FHIT: variants seen among roughly 807,000 people sequenced by gnomAD.
FHIT encodes fragile histidine triad diadenosine triphosphatase, also known as bis(5'-adenosyl)-triphosphatase.
In FHIT, 19 loss-of-function variants were observed where a neutral mutation model predicts 17.9. The ratio of observed to expected loss-of-function variants is 1.06; its 90% CI spans 0.74 to 1.56. The LOEUF (loss-of-function observed/expected upper bound fraction) is 1.56, where lower values mean the gene tolerates loss of function less well. Ranked by LOEUF, FHIT falls within the 40% of genes most tolerant of loss-of-function variation. The pLI is 0.00. For missense variants in FHIT, 248 were observed against 189.2 expected (o/e 1.31, Z -1.82); for synonymous variants, 81 against 69.7 (o/e 1.16, Z -0.81).
At chr3:60,573,970 T>C (rs1207348633) in intron 4 of FHIT, among the ~76,000 whole-genome samples, 1 of 151,976 alleles carries the variant, frequency 6.6e-6, no homozygotes, top group Non-Finnish European at 1.5e-5. Flanking sequence ...CCACCACACC[T>C]GGATAATTTT....
chr3:61,240,733 T>C (rs2040354756), intron 1 of FHIT, among the ~76,000 whole-genome samples: 1 of 152,218 alleles, frequency 6.6e-6, no homozygotes. Flanking sequence ...ATGTAGCCAA[T>C]TACAGTGCCC....
At chr3:60,035,257 C>A (rs1701166998) in intron 5 of FHIT, among the ~76,000 whole-genome samples, 2 of 152,078 alleles carry the variant, frequency 1.3e-5, no homozygotes, top group African/African-American at 2.4e-5. Flanking sequence ...CACCATGCAG[C>A]AAAAAGATCG....
intron 2 of FHIT, among the ~76,000 whole-genome samples, chr3:61,177,268 A>G (rs1289241754): frequency 6.6e-6 from 1 of 152,132 alleles, no homozygotes; most frequent in Middle Eastern, 3.4e-3. Flanking sequence ...TTTTGTATTC[A>G]TAATCTTTTC....
intron 4 of FHIT, among the ~76,000 whole-genome samples, chr3:60,780,146 T>C (rs1700336391): frequency 6.6e-6 from 1 of 152,204 alleles, no homozygotes; most frequent in East Asian, 1.9e-4. Flanking sequence ...CCCCTCTTTC[T>C]AGATGGGTAG....
chr3:60,656,332 T>G (rs1312455441), intron 4 of FHIT, among the ~76,000 whole-genome samples: 1 of 152,180 alleles, frequency 6.6e-6, no homozygotes, highest in Non-Finnish European at 1.5e-5. Context: ...GTTTATTGTT[T>G]TCTATATAAG....
At chr3:60,490,267 T>G (rs943338640) in intron 5 of FHIT, among the ~76,000 whole-genome samples, 1 of 152,042 alleles carries the variant, frequency 6.6e-6, no homozygotes, top group Non-Finnish European at 1.5e-5. Flanking sequence ...TAGAAGGTAG[T>G]TAAAAAGATG....
At chr3:60,291,000 CT>C (rs1707958386) in intron 5 of FHIT, among the ~76,000 whole-genome samples, 1 of 152,080 alleles carries the variant, frequency 6.6e-6, no homozygotes, top group Non-Finnish European at 1.5e-5. Flanking sequence ...ATACTAGGAT[CT>C]TTGTGGATTA....
At chr3:60,371,399 T>G (rs933484767) in intron 5 of FHIT, among the ~76,000 whole-genome samples, 12 of 151,728 alleles carry the variant, frequency 7.9e-5, no homozygotes, top group African/African-American at 2.9e-4. Flanking sequence ...TGGGCTGGAG[T>G]GCAGTGGCTA....
At chr3:60,368,177 TCATAAAA>T (rs911803361) in intron 5 of FHIT, among the ~76,000 whole-genome samples, 28 of 138,328 alleles carry the variant, frequency 2.0e-4, no homozygotes, top group Non-Finnish European at 4.6e-5. Flanking sequence ...AACTGTAAAA[TCATAAAA>T]CATATCTTTT....
intron 5 of FHIT, among the ~76,000 whole-genome samples, chr3:60,386,878 G>T (rs1217212553): frequency 6.6e-6 from 1 of 152,096 alleles, no homozygotes; most frequent in African/African-American, 2.4e-5. Context: ...CACAATGAGG[G>T]CTCAGAGTGG....
At chr3:59,971,348 T>C (rs1328336178) in intron 7 of FHIT, among the ~76,000 whole-genome samples, 1 of 152,106 alleles carries the variant, frequency 6.6e-6, no homozygotes, top group East Asian at 1.9e-4. Flanking sequence ...ACTATTATTA[T>C]CTTTGTGTGG....
At chr3:60,086,278 C>T (rs1257840844) in intron 5 of FHIT, among the ~76,000 whole-genome samples, 1 of 152,158 alleles carries the variant, frequency 6.6e-6, no homozygotes, top group Admixed American at 6.5e-5. Context: ...CTGACCCAAA[C>T]ACCTCCCCCA....
chr3:60,611,244 C>A (rs555015313), intron 4 of FHIT, among the ~76,000 whole-genome samples: 24 of 152,332 alleles, frequency 1.6e-4, no homozygotes, highest in African/African-American at 5.1e-4. Context: ...CAGTTTGCAA[C>A]ACAAAGTCCA....
intron 8 of FHIT, among the ~76,000 whole-genome samples, chr3:59,796,246 G>A (rs888207127): frequency 1.3e-5 from 2 of 152,136 alleles, no homozygotes. Context: ...CCAGTACAAT[G>A]AGAATGAAAT....
chr3:60,925,891 A>AG (rs1403976313), intron 3 of FHIT, among the ~76,000 whole-genome samples: 2 of 152,226 alleles, frequency 1.3e-5, no homozygotes, highest in African/African-American at 4.8e-5. Context: ...AAACAAAAAA[A>AG]GCAGGGGTTG....
chr3:60,628,254 T>C (rs1383950001), intron 4 of FHIT, among the ~76,000 whole-genome samples: 1 of 152,236 alleles, frequency 6.6e-6, no homozygotes, highest in African/African-American at 2.4e-5. Context: ...TATTTGCAAG[T>C]TTCCAAAAAT....
chr3:60,336,511 AG>A (rs1311075413), intron 5 of FHIT, among the ~76,000 whole-genome samples: 3 of 152,216 alleles, frequency 2.0e-5, no homozygotes, highest in African/African-American at 7.2e-5. Context: ...ATAAATTTCA[AG>A]ATCTCATTTA....
At chr3:60,000,125 C>T (rs1559536896) in intron 7 of FHIT, among the ~76,000 whole-genome samples, 10 of 152,306 alleles carry the variant, frequency 6.6e-5, no homozygotes, top group Non-Finnish European at 1.5e-5. Flanking sequence ...GTGGAGAAAA[C>T]AGCCCATCCA....
rs370493310 is a variant in FHIT, at chr3:60,100,551, C to G, written c.104-86399G>C. ...CCACCTGCAGGCATAGGCAGAGGAG[C>G]CTTCGTCCCTCACTACGCTGACCCC... On this transcript the variant is annotated intron_variant, in intron 5 of 9. Coordinates refer to ENST00000492590, the MANE Select transcript of FHIT (RefSeq NM_002012.4). 3.1e-4 allele frequency among the ~76,000 whole-genome samples: 47 copies of G among 152,186 alleles called. No homozygotes were observed. In the South Asian group the frequency reaches 7.7e-3, roughly 25 times the overall value.
Sources: gnomAD v4.1 joint callset for allele counts (sites outside exome capture counted in the v4.1 genomes callset) on GRCh38, gnomAD v4.1.1 for gene constraint, MANE v1.5 for transcripts, NCBI Gene and HGNC (gene_info 2026-07-23, HGNC 2026-07-21) for gene names.